Variants in CHST9 observed in about 807,000 individuals in gnomAD.
CHST9 encodes GalNAc-4-sulfotransferase 2.
CHST9 carries 41 observed loss-of-function variants against 44.4 expected under a neutral mutation model. That is an observed-to-expected ratio of 0.92 (90% CI 0.72 to 1.20). The LOEUF (loss-of-function observed/expected upper bound fraction) is 1.20. Ranked by LOEUF, CHST9 falls within the 50% of genes most tolerant of loss-of-function variation. CHST9 has a pLI of 0.00. For synonymous variants in CHST9, 171 were observed against 178.4 expected (o/e 0.96, Z 0.33); for missense variants, 504 against 516.5 (o/e 0.98, Z 0.23).
Position 26,995,437 on chromosome 18 carries a change from CAA to C in CHST9, c.202+28677_202+28678del, listed in dbSNP as rs11284514. 9.4e-3 allele frequency among the ~76,000 whole-genome samples: 961 copies of C among 102,638 alleles called. 5 individuals carry two copies. Among genetic ancestry groups the C allele is most frequent in the African/African-American group, 0.029 (734 of 25,330 alleles). The allele number at this position is 102,638 out of a possible 152,430, so 67.3% of individuals were successfully genotyped here. ...CGGGTGACAGAGCGAGACTCCGTCT[CAA>C]AAAAAAAAAAAAAAAAAAGATTACT... On this transcript the variant is annotated intron_variant, in intron 4 of 5. Transcript: ENST00000618847.
In CHST9 at chr18:26,916,799, T is replaced by C. The variant is rs759677877; in HGVS notation, c.792A>G (p.Lys264=). ...HLKKLDSFDL[K]GIYTRLNTYT... ...AAGTATTTAAGCGGGTATATATCCC[T>C]TTTAGGTCAAAGCTATCTAGCTTCT... is the stretch of plus-strand genomic sequence containing the variant. Residue 264 remains lysine (K), a synonymous_variant, in exon 6 of 6, where the codon AAA becomes AAG. Coordinates refer to ENST00000618847, the MANE Select transcript of CHST9 (RefSeq NM_031422.6). The C allele has an allele frequency of 1.2e-6, 2 of 1,613,856 alleles. No individual in the cohort carries two copies. The highest frequency in any genetic ancestry group is 1.7e-6 in the Non-Finnish European group (2 of 1,179,836).
At chr18:26,956,646 A>G (rs3889350) in intron 4 of CHST9, among the ~76,000 whole-genome samples, 19,389 of 151,950 alleles carry the variant, frequency 0.13, 2,785 homozygotes, top group African/African-American at 0.36. Context: ...AGGGAATCCC[A>G]CTTAACGAAA....
intron 2 of CHST9, among the ~76,000 whole-genome samples, chr18:27,090,398 C>A (rs1485049705): frequency 6.6e-6 from 1 of 152,070 alleles, no homozygotes; most frequent in Non-Finnish European, 1.5e-5. Flanking sequence ...CTCTAGGTTG[C>A]CTGTTCACTC....
chr18:27,164,322 GAA>G (rs34425276), intron 1 of CHST9, among the ~76,000 whole-genome samples: 1 of 121,578 alleles, frequency 8.2e-6, no homozygotes, highest in Non-Finnish European at 1.7e-5. Context: ...AAATCAGAAA[GAA>G]AAAAAAAAAA....
chr18:27,052,854 C>A (rs756391754), intron 2 of CHST9, among the ~76,000 whole-genome samples: 2 of 151,818 alleles, frequency 1.3e-5, no homozygotes, highest in Non-Finnish European at 2.9e-5. Context: ...TTCTTACTCA[C>A]CAGTGGGAGT....
intron 5 of CHST9, among the ~76,000 whole-genome samples, chr18:26,938,586 G>GAAGT (rs1490167480): frequency 6.6e-6 from 1 of 152,164 alleles, no homozygotes; most frequent in Admixed American, 6.5e-5. Flanking sequence ...TTTAAATTTA[G>GAAGT]AAGTTCTAAA....
intron 4 of CHST9, among the ~76,000 whole-genome samples, chr18:26,969,169 A>AT (rs1297215773): frequency 6.6e-6 from 1 of 151,254 alleles, no homozygotes; most frequent in Non-Finnish European, 1.5e-5. Flanking sequence ...TGGCTAATTT[A>AT]TTTTTTGTAC....
intron 2 of CHST9, among the ~76,000 whole-genome samples, chr18:27,051,109 C>T (rs1598673058): frequency 6.6e-6 from 1 of 152,112 alleles, no homozygotes; most frequent in Non-Finnish European, 1.5e-5. Context: ...GAGGTTGATC[C>T]TTAAGAAAAT....
At chr18:27,041,201 T>A (rs1283086639) in intron 3 of CHST9, among the ~76,000 whole-genome samples, 1 of 152,176 alleles carries the variant, frequency 6.6e-6, no homozygotes, top group Admixed American at 6.5e-5. Flanking sequence ...TGATGAGATT[T>A]GTCATCTAGC....
chr18:26,965,000 C>T (rs1271653048), intron 4 of CHST9, among the ~76,000 whole-genome samples: 3 of 152,182 alleles, frequency 2.0e-5, no homozygotes, highest in African/African-American at 7.2e-5. Context: ...AAGAGGGTTT[C>T]CTCTGCTTTA....
intron 5 of CHST9, among the ~76,000 whole-genome samples, chr18:26,932,286 G>T (rs1164022993): frequency 6.6e-6 from 1 of 152,190 alleles, no homozygotes; most frequent in Non-Finnish European, 1.5e-5. Context: ...CACAGAGATT[G>T]TGATCATCTG....
Position 26,916,567 on chromosome 18 carries a change from G to A in CHST9, c.1024C>T (p.Arg342Cys), listed in dbSNP as rs777470513. 42 of 1,613,460 alleles carry A rather than the reference G, an allele frequency of 2.6e-5. No homozygotes were observed. The highest frequency in any genetic ancestry group is 1.6e-4 in the Middle Eastern group (1 of 6,082). ...CAGTGAATGTCCATTCCTACTGGACGGTGGGAATCCAGCAAGTAGTGGATA... is the reference window on the plus strand; with the variant it reads ...CAGTGAATGTCCATTCCTACTGGACAGTGGGAATCCAGCAAGTAGTGGATA... ...EFIHYLLDSH[R>C]PVGMDIHWEK... Residue 342 changes from arginine (R) to cysteine (C), a missense_variant, in exon 6 of 6, where the codon CGT becomes TGT. Coordinates refer to ENST00000618847, the MANE Select transcript of CHST9 (RefSeq NM_031422.6).
intron 1 of CHST9, among the ~76,000 whole-genome samples, chr18:27,161,785 G>A (rs1198025251): frequency 6.6e-6 from 1 of 151,954 alleles, no homozygotes; most frequent in Non-Finnish European, 1.5e-5. Flanking sequence ...TATGAATCTG[G>A]GTGCTCCTGT....
At chr18:27,160,901 G>A (rs1484392361) in intron 1 of CHST9, among the ~76,000 whole-genome samples, 1 of 152,194 alleles carries the variant, frequency 6.6e-6, no homozygotes, top group Non-Finnish European at 1.5e-5. Flanking sequence ...TTTGCGTGGA[G>A]GTGTTTGTAG....
intron 5 of CHST9, among the ~76,000 whole-genome samples, chr18:26,918,741 C>T (rs902906031): frequency 6.6e-6 from 1 of 152,104 alleles, no homozygotes; most frequent in African/African-American, 2.4e-5. Context: ...CACCTCCAGA[C>T]ATCATGGTCA....
intron 5 of CHST9, among the ~76,000 whole-genome samples, chr18:26,941,812 A>T (rs2056086583): frequency 6.6e-6 from 1 of 152,152 alleles, no homozygotes; most frequent in African/African-American, 2.4e-5. Flanking sequence ...CCTCCAGAGG[A>T]CTCAAATAGT....
At chr18:27,049,623 G>GACTTAAATGA (rs1467022229) in intron 2 of CHST9, among the ~76,000 whole-genome samples, 3 of 152,056 alleles carry the variant, frequency 2.0e-5, no homozygotes, top group Admixed American at 6.6e-5. Flanking sequence ...AGCAACTGTG[G>GACTTAAATGA]ACTTAAATGA....
intron 2 of CHST9, among the ~76,000 whole-genome samples, chr18:27,117,495 A>G (rs1338684197): frequency 6.6e-6 from 1 of 152,160 alleles, no homozygotes; most frequent in Non-Finnish European, 1.5e-5. Flanking sequence ...TCATTATAGT[A>G]TCTTACATAG....
chr18:27,032,359 C>T (rs1402570121), intron 3 of CHST9, among the ~76,000 whole-genome samples: 2 of 152,152 alleles, frequency 1.3e-5, no homozygotes, highest in African/African-American at 4.8e-5. Context: ...TTGATCTTTC[C>T]TCTACTCTGA....
Sources: gnomAD v4.1 joint callset for allele counts (sites outside exome capture counted in the v4.1 genomes callset) on GRCh38, gnomAD v4.1.1 for gene constraint, MANE v1.5 for transcripts, NCBI Gene and HGNC (gene_info 2026-07-23, HGNC 2026-07-21) for gene names.